Variants in PPP1CC observed in about 807,000 individuals in gnomAD.
The protein encoded by PPP1CC is protein phosphatase 1 catalytic subunit gamma.
In PPP1CC, 16 loss-of-function variants were observed where a neutral mutation model predicts 38.4. That is an observed-to-expected ratio of 0.42 (90% CI 0.28 to 0.63). PPP1CC has a LOEUF of 0.63. Among genes scored for constraint, PPP1CC ranks in the 30% least tolerant of loss-of-function variants. The probability of loss-of-function intolerance (pLI) is 0.25; values close to 1 mark genes in which losing one functional copy is unlikely to be tolerated. For missense variants in PPP1CC, 170 were observed against 391.3 expected (o/e 0.43, Z 4.77); for synonymous variants, 158 against 136.0 (o/e 1.16, Z -1.13).
At chr12:110,718,161 T>C (rs1188534030), downstream of PPP1CC, among the ~76,000 whole-genome samples, 1 of 152,220 alleles carries the variant, frequency 6.6e-6, no homozygotes, top group African/African-American at 2.4e-5. Context: ...TGGCCTTAAA[T>C]CAAGGTACTT....
chr12:110,728,409 A>C (rs966781718), intron 3 of PPP1CC, among the ~76,000 whole-genome samples: 11 of 139,748 alleles, frequency 7.9e-5, no homozygotes, highest in South Asian at 2.1e-4. Context: ...AAAAAAAAAA[A>C]AAAAACAAAA....
In PPP1CC at chr12:110,722,964, A is replaced by G. The variant is rs2069756467; in HGVS notation, c.524-269T>C. ...AATTATATTATACAGAACACTGTAA[A>G]ATAAAATCCAGTGATTTAAAAAACT... On this transcript the variant is annotated intron_variant, in intron 4 of 6. Coordinates refer to ENST00000335007, the MANE Select transcript of PPP1CC (RefSeq NM_002710.4). The surrounding 1 kb of genome is among the most constrained non-coding windows in gnomAD (Gnocchi z 5.4). 6.6e-6 allele frequency among the ~76,000 whole-genome samples: 1 copy of G among 152,260 alleles called. No homozygotes were observed. Among genetic ancestry groups the G allele is most frequent in the Non-Finnish European group, 1.5e-5 (1 of 68,048 alleles).
chr12:110,709,855 A>G, the PPP1CC span, among the ~76,000 whole-genome samples: 1 of 151,272 alleles, frequency 6.6e-6, no homozygotes, highest in Non-Finnish European at 1.5e-5. Flanking sequence ...TCAAATTTTA[A>G]AAGTTTTAAA....
chr12:110,742,642 G>A lies in PPP1CC; in HGVS notation c.55+11C>T, dbSNP rs1209697609. On this transcript the variant is annotated intron_variant, in intron 1 of 6. Transcript: ENST00000335007. ...CCGCCTCCCCCTTCAGCCGCCCGCC[G>A]CCCCCCTTACCTTCCAGCAGCCGTT... 5.0e-6 allele frequency: 6 copies of A among 1,191,796 alleles called. No homozygotes were observed. The highest frequency in any genetic ancestry group is 3.1e-5 in the Admixed American group (1 of 32,410). 73.8% of individuals were successfully genotyped at this position (1,191,796 alleles called of 1,614,324 possible). A position where few individuals can be genotyped will look rare whatever the true frequency, so the allele number is the denominator to read the frequency against.
intron 3 of PPP1CC, 76 bp downstream of exon 3, chr12:110,730,453 C>T (rs1411959760): frequency 1.5e-5 from 17 of 1,138,540 alleles, no homozygotes; most frequent in Non-Finnish European, 1.9e-5. Flanking sequence ...CAATTCCTAA[C>T]AGAAGTATGT....
At chr12:110,739,320 A>G (rs1566089170) in intron 1 of PPP1CC, among the ~76,000 whole-genome samples, 4 of 152,072 alleles carry the variant, frequency 2.6e-5, no homozygotes, top group Admixed American at 2.6e-4. Context: ...AAATAAAATA[A>G]AAAAATAAAT....
intron 1 of PPP1CC, among the ~76,000 whole-genome samples, chr12:110,734,007 C>T (rs1001037237): frequency 4.3e-4 from 66 of 152,296 alleles, no homozygotes; most frequent in African/African-American, 1.6e-3. Flanking sequence ...TGCTCAGATA[C>T]CACACTTCAC....
the PPP1CC span, among the ~76,000 whole-genome samples, chr12:110,709,678 C>T: frequency 1.4e-4 from 22 of 151,934 alleles, 1 homozygote; most frequent in South Asian, 4.6e-3. Flanking sequence ...CCTGCCTCAG[C>T]CTCCCCAGTA....
intron 1 of PPP1CC, among the ~76,000 whole-genome samples, chr12:110,737,493 A>AAAAAAAAAAAAAAAAAAAAAAAAAAAG (rs1555244764): frequency 1.3e-5 from 2 of 150,456 alleles, no homozygotes; most frequent in Non-Finnish European, 3.0e-5. Context: ...AAAAAAAAAA[A>AAAAAAAAAAAAAAAAAAAAAAAAAAAG]AAAAAAAAGA....
rs1181503469 is a variant in PPP1CC at position 110,720,864 on chromosome 12, T to C, written c.*212A>G. 10 of 447,620 alleles carry C rather than the reference T, an allele frequency of 2.2e-5. No homozygotes were observed. The highest frequency in any genetic ancestry group is 3.6e-5 in the Non-Finnish European group (9 of 248,242). The allele number at this position is 447,620 out of a possible 1,614,324, so 27.7% of individuals were successfully genotyped here. A position where few individuals can be genotyped will look rare whatever the true frequency, so the allele number is the denominator to read the frequency against. ...AATTGTTTGCAAAAGGAACAGAGAA[T>C]TAAAAAACAAAACACTTTTCTTTTT... On this transcript the variant is annotated 3_prime_UTR_variant, in exon 7 of 7. Transcript: ENST00000335007.
intron 1 of PPP1CC, among the ~76,000 whole-genome samples, chr12:110,739,485 C>T (rs1192097911): frequency 6.6e-6 from 1 of 151,676 alleles, no homozygotes; most frequent in Non-Finnish European, 1.5e-5. Context: ...TATACTGCAT[C>T]AAAAAGATGA....
chr12:110,731,286 C>A (rs549539775), intron 2 of PPP1CC, among the ~76,000 whole-genome samples: 31 of 148,044 alleles, frequency 2.1e-4, no homozygotes, highest in African/African-American at 7.2e-4. Flanking sequence ...AAAACATGAA[C>A]ACAAAGTTTT....
At position 110,722,231 on chromosome 12, in the gene PPP1CC, C is replaced by T. The variant is rs1017498865; in HGVS notation, c.786G>A (p.Gln262=). The part of the protein sequence containing the change: ...EDGYEFFAKR[Q]LVTLFSAPNY... ...TGGGCGCAGAAAACAGAGTGACCAA[C>T]TGCCTCTTTGCAAAAAATTCATATC... The change falls in exon 6 of 7, where the codon CAG becomes CAA. Residue 262 remains glutamine (Q), a synonymous_variant. Coordinates refer to ENST00000335007, the MANE Select transcript of PPP1CC (RefSeq NM_002710.4). This position sits in a 1 kb window ranked among gnomAD's most constrained non-coding sequence, Gnocchi z 5.4. The T allele has an allele frequency of 1.1e-5, 18 of 1,614,054 alleles. No homozygotes were observed. The Admixed American group carries it at 1.3e-4, about 12-fold the overall frequency.
At chr12:110,736,537 G>A (rs772507117) in intron 1 of PPP1CC, among the ~76,000 whole-genome samples, 2 of 152,038 alleles carry the variant, frequency 1.3e-5, no homozygotes, top group African/African-American at 4.8e-5. Flanking sequence ...CCAGCTACTC[G>A]GGAGGCTAAG....
chr12:110,722,705 G>C lies in PPP1CC; in HGVS notation c.524-10C>G. 1 of 1,542,316 alleles carries C rather than the reference G, an allele frequency of 6.5e-7. No homozygotes were observed. Among genetic ancestry groups the C allele is most frequent in the Non-Finnish European group, 8.7e-7 (1 of 1,145,084 alleles). The stretch of plus-strand genomic sequence containing the variant: ...AGATCTGGTGATAAACCTATTCAAT[G>C]AGGAAAAAAAAAAAATGAAGAAAGC... On this transcript the variant is annotated splice_polypyrimidine_tract_variant and intron_variant, in intron 4 of 6. Transcript: ENST00000335007. The surrounding 1 kb of genome is among the most constrained non-coding windows in gnomAD (Gnocchi z 5.4).
chr12:110,729,378 A>G (rs1460347094), intron 3 of PPP1CC, among the ~76,000 whole-genome samples: 1 of 152,088 alleles, frequency 6.6e-6, no homozygotes, highest in Non-Finnish European at 1.5e-5. Context: ...TATTTTTAGT[A>G]GAGATGAGGT....
chr12:110,717,126 G>C (rs774446101), downstream of PPP1CC, among the ~76,000 whole-genome samples: 15 of 152,178 alleles, frequency 9.9e-5, no homozygotes, highest in Non-Finnish European at 2.1e-4. Flanking sequence ...GAATGCTTAT[G>C]ACTAAGGCAA....
chr12:110,715,048 G>A (rs765182587), downstream of PPP1CC, among the ~76,000 whole-genome samples: 2 of 151,756 alleles, frequency 1.3e-5, no homozygotes, highest in Non-Finnish European at 2.9e-5. Context: ...AGAATATAAC[G>A]ACCAGTTTAC....
At chr12:110,739,838 C>T (rs938591155) in intron 1 of PPP1CC, among the ~76,000 whole-genome samples, 1 of 152,234 alleles carries the variant, frequency 6.6e-6, no homozygotes, top group African/African-American at 2.4e-5. Flanking sequence ...GTCTTCAATA[C>T]ATCAGACCAA....
Sources: allele counts gnomAD v4.1 joint callset (sites outside exome capture counted in the v4.1 genomes callset), GRCh38; gene constraint gnomAD v4.1.1; non-coding constraint Gnocchi (gnomAD v3.1); transcripts MANE v1.5; gene names NCBI Gene and HGNC (gene_info 2026-07-23, HGNC 2026-07-21).